Variants in GSS observed in about 807,000 individuals in gnomAD.
GSS encodes the protein glutathione synthetase.
A neutral mutation model predicts 60.4 loss-of-function variants in GSS; 34 were observed. That is an observed-to-expected ratio of 0.56 (90% confidence interval 0.43 to 0.75). GSS has a LOEUF of 0.75. GSS is among the 30% of genes least tolerant of loss of function. GSS has a pLI of 0.00. For missense variants in GSS, 499 were observed against 595.1 expected (o/e 0.84, Z 1.68); for synonymous variants, 224 against 239.0 (o/e 0.94, Z 0.58).
chr20:34,930,589 C>T (rs962076069), intron 11 of GSS, among the ~76,000 whole-genome samples: 2 of 152,166 alleles, frequency 1.3e-5, no homozygotes, highest in South Asian at 4.1e-4. Context: ...CTTCCAGTGT[C>T]TCCCCTCATT....
At chr20:34,943,816 A>C (rs2081502673) in intron 3 of GSS, among the ~76,000 whole-genome samples, 1 of 152,218 alleles carries the variant, frequency 6.6e-6, no homozygotes, top group African/African-American at 2.4e-5. Flanking sequence ...ATGCAGGCTC[A>C]TCGTCACAGC....
chr20:34,944,556 C>A (rs561289515), intron 3 of GSS, among the ~76,000 whole-genome samples: 32 of 152,184 alleles, frequency 2.1e-4, no homozygotes, highest in African/African-American at 7.5e-4. Context: ...AGTCTAATTT[C>A]TGTTGAAAAA....
chr20:34,939,345 C>T (rs1683855266), intron 6 of GSS, among the ~76,000 whole-genome samples: 2 of 152,186 alleles, frequency 1.3e-5, no homozygotes, highest in African/African-American at 2.4e-5. Context: ...AGGCCCTATG[C>T]TTTGAGAGTT....
At chr20:34,932,955 CCCT>C (rs1206462392) in intron 9 of GSS, among the ~76,000 whole-genome samples, 2 of 152,098 alleles carry the variant, frequency 1.3e-5, no homozygotes, top group Admixed American at 1.3e-4. Context: ...AAGTGATCCT[CCCT>C]CCTCAGCCTC....
chr20:34,949,840 T>C (rs975451151), intron 2 of GSS: 2 of 152,136 alleles, frequency 1.3e-5, no homozygotes, highest in African/African-American at 4.8e-5. Context: ...TGTTTCCTCA[T>C]AGAGCTGATG....
chr20:34,953,027 T>C (rs1289128114), intron 1 of GSS, among the ~76,000 whole-genome samples: 1 of 152,230 alleles, frequency 6.6e-6, no homozygotes, highest in African/African-American at 2.4e-5. Flanking sequence ...AGATGGAAAT[T>C]GCTGAAACCC....
rs1473423401 is a variant in GSS at position 34,936,938 on chromosome 20, C to T, written c.689+5G>A. The T allele has an allele frequency of 6.2e-7, 1 of 1,613,070 alleles. No individual in the cohort carries two copies. The highest frequency in any genetic ancestry group is 1.7e-5 in the Admixed American group (1 of 60,012). ...ACACCTAGAAGTCCCCCTTCCTTTA[C>T]TTACCTGGCCAGTAGCTCATTCTCT... On this transcript the variant is annotated splice_donor_5th_base_variant and intron_variant, in intron 7 of 12. Coordinates refer to ENST00000651619, the MANE Select transcript of GSS (RefSeq NM_000178.4).
intron 1 of GSS, chr20:34,954,241 G>T (rs1019506463): frequency 6.6e-6 from 1 of 152,188 alleles, no homozygotes; most frequent in East Asian, 1.9e-4. Flanking sequence ...TGGGGATATG[G>T]AGGAGGATAA....
At position 34,928,852 on chromosome 20, in the gene GSS, G is replaced by T. The variant is rs1187110209; in HGVS notation, c.1401C>A (p.Val467=). 1 of 1,614,072 alleles carries T rather than the reference G, an allele frequency of 6.2e-7. No individual in the cohort carries two copies. The highest frequency in any genetic ancestry group is 8.5e-7 in the Non-Finnish European group (1 of 1,180,010). ...CTCACACAGGGTATGGGTTGTCCAGGACTGCCACTCCCGCTGCCACACCAC... is the reference window on the plus strand; with the variant it reads ...CTCACACAGGGTATGGGTTGTCCAGTACTGCCACTCCCGCTGCCACACCAC... The part of the protein sequence containing the change: ...ADGGVAAGVA[V]LDNPYPV Residue 467 remains valine (V), a synonymous_variant, in exon 13 of 13, where the codon GTC becomes GTA. Transcript: ENST00000651619.
chr20:34,937,152 T>A (rs2081447726), intron 6 of GSS, 129 bp from the exon 7 acceptor site: 1 of 712,372 alleles, frequency 1.4e-6, no homozygotes, highest in Non-Finnish European at 2.5e-6. Context: ...AAAGAACAGA[T>A]GTTCCCTCTC....
chr20:34,946,953 A>G (rs1026637717), intron 2 of GSS, among the ~76,000 whole-genome samples: 2 of 152,250 alleles, frequency 1.3e-5, no homozygotes, highest in African/African-American at 4.8e-5. Flanking sequence ...GAACTTGGGT[A>G]AGAGATGAAA....
At chr20:34,932,991 G>A (rs1239925206) in intron 9 of GSS, among the ~76,000 whole-genome samples, 1 of 151,978 alleles carries the variant, frequency 6.6e-6, no homozygotes, top group African/African-American at 2.4e-5. Context: ...GACTACAGGT[G>A]CACGCCACCA....
intron 6 of GSS, among the ~76,000 whole-genome samples, chr20:34,938,958 T>C (rs1453354079): frequency 6.6e-6 from 1 of 152,032 alleles, no homozygotes; most frequent in Non-Finnish European, 1.5e-5. Flanking sequence ...AAGAGTGTTA[T>C]GGCTGGGCAT....
Position 34,936,854 on chromosome 20 carries a change from G to T in GSS, c.690-14C>A, listed in dbSNP as rs756776895. 1 of 1,613,270 alleles carries T rather than the reference G, an allele frequency of 6.2e-7. No homozygotes were observed. Among genetic ancestry groups the T allele is most frequent in the Non-Finnish European group, 8.5e-7 (1 of 1,179,256 alleles). ...ACATGGATGTTCCTGGGAAAAATGG[G>T]CAAGAGCCAGAGGGAATGGATGCTA... On this transcript the variant is annotated splice_polypyrimidine_tract_variant and intron_variant, in intron 7 of 12. Transcript: ENST00000651619.
At chr20:34,949,386 C>G (rs2081548484) in intron 2 of GSS, 1 of 151,216 alleles carries the variant, frequency 6.6e-6, no homozygotes, top group Non-Finnish European at 1.5e-5. Context: ...ACTATATCCA[C>G]TTATGCGCCC....
At chr20:34,942,086 G>C (rs942842145) in intron 5 of GSS, among the ~76,000 whole-genome samples, 16 of 152,070 alleles carry the variant, frequency 1.1e-4, no homozygotes, top group African/African-American at 3.4e-4. Context: ...CAGTGAGCTG[G>C]AGCCCCTTAC....
Position 34,951,789 on chromosome 20 carries a change from C to G in GSS, c.64G>C (p.Ala22Pro). The G allele has an allele frequency of 6.2e-7, 1 of 1,614,136 alleles. No individual in the cohort carries two copies. Among genetic ancestry groups the G allele is most frequent in the Non-Finnish European group, 8.5e-7 (1 of 1,180,002 alleles). Reference protein sequence around the residue: ...KQQLEELARQAVDRALAEGVL... With the variant: ...KQQLEELARQPVDRALAEGVL... ...CCCTCAGCCAGGGCCCGGTCCACGG[C>G]CTGCCGTGCCAGCTCCTCTAGCTGC... The change falls in exon 2 of 13, where the codon GCC (alanine) becomes CCC (proline). Residue 22 changes from alanine to proline, a missense_variant. Physicochemically the swap from Ala to Pro is conservative, Grantham distance 27 (BLOSUM62 -1). Transcript: ENST00000651619.
intron 2 of GSS, among the ~76,000 whole-genome samples, chr20:34,947,824 T>C (rs2081534616): frequency 6.6e-6 from 1 of 152,162 alleles, no homozygotes; most frequent in African/African-American, 2.4e-5. Flanking sequence ...GAATATACAT[T>C]CTAGATATTT....
In GSS at chr20:34,935,578, G is replaced by T; in HGVS notation, c.832C>A (p.Gln278Lys). Residue 278 changes from glutamine (Q) to lysine (K), a missense_variant and splice_region_variant, in exon 9 of 13, where the codon CAG (glutamine) becomes AAG (lysine). Coordinates refer to ENST00000651619, the MANE Select transcript of GSS (RefSeq NM_000178.4). ...DGYMPRQYSL[Q>K]NWEARLLLER... ...ATGGTCTCACAGAAAATACCAACCT[G>T]TAGACTGTACTGACGAGGCATGTAG... is the stretch of plus-strand genomic sequence containing the variant. 6.2e-7 allele frequency: 1 copy of T among 1,609,184 alleles called. No homozygotes were observed. The highest frequency in any genetic ancestry group is 8.5e-7 in the Non-Finnish European group (1 of 1,175,490).
Sources: gnomAD v4.1 joint callset for allele counts (sites outside exome capture counted in the v4.1 genomes callset) on GRCh38, gnomAD v4.1.1 for gene constraint, MANE v1.5 for transcripts, NCBI Gene and HGNC (gene_info 2026-07-23, HGNC 2026-07-21) for gene names.